NXPE2: variants seen among roughly 807,000 people sequenced by gnomAD.
NXPE2 encodes the protein neurexophilin and PC-esterase domain family member 2.
A neutral mutation model predicts 34.4 loss-of-function variants in NXPE2; 34 were observed. The observed-to-expected ratio is 0.99, with a 90% confidence interval of 0.75 to 1.31. The LOEUF is 1.31. Ranked by LOEUF, NXPE2 falls within the 40% of genes most tolerant of loss-of-function variation. The probability of loss-of-function intolerance (pLI) is 0.00; values close to 1 mark genes in which losing one functional copy is unlikely to be tolerated. For missense variants in NXPE2, 649 were observed against 672.5 expected, an observed-to-expected ratio of 0.97 and a Z score of 0.39; for synonymous variants, 235 against 231.3, an observed-to-expected ratio of 1.02 and a Z score of -0.15.
At chr11:114,654,811 T>C in the NXPE2 span, among the ~76,000 whole-genome samples, 1 of 152,216 alleles carries the variant, frequency 6.6e-6, no homozygotes, top group Non-Finnish European at 1.5e-5. Context: ...AGTAGAATGA[T>C]TTATTTTCCT....
chr11:114,644,517 A>G, the NXPE2 span, among the ~76,000 whole-genome samples: 4 of 152,212 alleles, frequency 2.6e-5, no homozygotes, highest in Admixed American at 2.6e-4. Context: ...TAACTTACTA[A>G]AAATGTAATA....
chr11:114,751,494 C>T, the NXPE2 span, among the ~76,000 whole-genome samples: 10 of 152,220 alleles, frequency 6.6e-5, no homozygotes, highest in African/African-American at 2.4e-4. Flanking sequence ...AGTGACAAAA[C>T]CTACCTACCC....
the NXPE2 span, among the ~76,000 whole-genome samples, chr11:114,726,011 A>G: frequency 6.8e-6 from 1 of 146,012 alleles, no homozygotes; most frequent in African/African-American, 2.5e-5. Context: ...AAAGAAAACC[A>G]TAATAGTAAG....
chr11:114,632,369 C>A, the NXPE2 span, among the ~76,000 whole-genome samples: 1 of 130,006 alleles, frequency 7.7e-6, no homozygotes, highest in Non-Finnish European at 1.6e-5. Context: ...TTATATATTA[C>A]ATATAGTTAT....
the NXPE2 span, among the ~76,000 whole-genome samples, chr11:114,637,592 T>C: frequency 0.42 from 62,152 of 148,512 alleles, 14,065 homozygotes; most frequent in African/African-American, 0.6. Context: ...GATTTTGCAG[T>C]GGCTGGTACC....
chr11:114,645,163 G>A, the NXPE2 span, among the ~76,000 whole-genome samples: 9 of 151,928 alleles, frequency 5.9e-5, no homozygotes, highest in Admixed American at 1.3e-4. Context: ...TTAGCTGGGC[G>A]TGATGGCGTG....
intron 3 of NXPE2, among the ~76,000 whole-genome samples, chr11:114,703,610 A>G (rs1359392879): frequency 2.0e-5 from 3 of 152,136 alleles, no homozygotes; most frequent in Non-Finnish European, 4.4e-5. Context: ...TGGAGAGGGT[A>G]GTTTGTGGTA....
chr11:114,773,719 C>T, the NXPE2 span, among the ~76,000 whole-genome samples: 6 of 152,292 alleles, frequency 3.9e-5, no homozygotes, highest in Admixed American at 3.3e-4. Context: ...AGTAGATTGC[C>T]TTCCCCAGTG....
chr11:114,670,652 A>C, the NXPE2 span, among the ~76,000 whole-genome samples: 2 of 152,014 alleles, frequency 1.3e-5, no homozygotes, highest in Admixed American at 6.6e-5. Flanking sequence ...TGACTGTACC[A>C]CTGCACTCTA....
downstream of NXPE2, among the ~76,000 whole-genome samples, chr11:114,710,540 C>T (rs1342601066): frequency 6.6e-6 from 1 of 151,972 alleles, no homozygotes; most frequent in Admixed American, 6.6e-5. Flanking sequence ...AAGACTGAAT[C>T]ATAAAGAAAT....
chr11:114,652,855 T>C, the NXPE2 span, among the ~76,000 whole-genome samples: 2 of 152,168 alleles, frequency 1.3e-5, no homozygotes, highest in South Asian at 4.1e-4. Flanking sequence ...CTAGAGCATT[T>C]TCCATTTGGT....
chr11:114,583,113 A>G, the NXPE2 span: 31 of 1,335,826 alleles, frequency 2.3e-5, no homozygotes, highest in South Asian at 1.0e-4. Flanking sequence ...TGAAATTAAC[A>G]TGTTCCTAGT....
At chr11:114,668,949 T>C in the NXPE2 span, among the ~76,000 whole-genome samples, 1 of 152,096 alleles carries the variant, frequency 6.6e-6, no homozygotes, top group Non-Finnish European at 1.5e-5. Flanking sequence ...GAATGGAATC[T>C]CTGTGATTTT....
chr11:114,799,417 A>C, the NXPE2 span, among the ~76,000 whole-genome samples: 1 of 152,210 alleles, frequency 6.6e-6, no homozygotes, highest in African/African-American at 2.4e-5. Context: ...AGTTTCATCA[A>C]ATATATCAGA....
At chr11:114,792,164 A>C in the NXPE2 span, among the ~76,000 whole-genome samples, 8 of 152,282 alleles carry the variant, frequency 5.3e-5, no homozygotes, top group Admixed American at 1.3e-4. Flanking sequence ...CCCCCTCCCC[A>C]TAGGGGTGCC....
At chr11:114,632,125 A>C in the NXPE2 span, among the ~76,000 whole-genome samples, 9 of 144,234 alleles carry the variant, frequency 6.2e-5, no homozygotes, top group Non-Finnish European at 1.4e-4. Flanking sequence ...ATATATTATA[A>C]TAAAATATAT....
chr11:114,735,447 T>A, the NXPE2 span, among the ~76,000 whole-genome samples: 1 of 152,184 alleles, frequency 6.6e-6, no homozygotes, highest in Non-Finnish European at 1.5e-5. Flanking sequence ...GCTATGAGAA[T>A]GTGGGCAAAT....
intron 2 of NXPE2, among the ~76,000 whole-genome samples, chr11:114,695,113 C>G (rs1202629041): frequency 1.3e-5 from 2 of 152,050 alleles, no homozygotes; most frequent in Non-Finnish European, 2.9e-5. Flanking sequence ...TTACTGTTTA[C>G]TGTAGATATT....
intron 2 of NXPE2, among the ~76,000 whole-genome samples, chr11:114,695,830 A>AACAGACACACAC (rs564407542): frequency 1.1e-4 from 14 of 132,536 alleles, no homozygotes; most frequent in Non-Finnish European, 6.4e-5. Context: ...GTCTCTACTA[A>AACAGACACACAC]ACACACACAC....
Sources: gnomAD v4.1 joint callset for allele counts (sites outside exome capture counted in the v4.1 genomes callset) on GRCh38, gnomAD v4.1.1 for gene constraint, MANE v1.5 for transcripts, NCBI Gene and HGNC (gene_info 2026-07-23, HGNC 2026-07-21) for gene names.